GPC5: variants seen among roughly 807,000 people sequenced by gnomAD.
GPC5 encodes the protein glypican 5, also known as glypican-5.
GPC5 carries 47 observed loss-of-function variants against 53.9 expected under a neutral mutation model. The ratio of observed to expected loss-of-function variants is 0.87; its 90% confidence interval spans 0.69 to 1.11. The LOEUF (loss-of-function observed/expected upper bound fraction) is 1.11, where lower values mean the gene tolerates loss of function less well. Among genes scored for constraint, GPC5 ranks in the 50% most tolerant of loss-of-function variants. The pLI is 0.00. For missense variants in GPC5, 748 were observed against 713.1 expected (o/e 1.05, Z -0.56); for synonymous variants, 286 against 263.3 (o/e 1.09, Z -0.84).
intron 1 of GPC5, among the ~76,000 whole-genome samples, chr13:91,402,573 T>C (rs181335522): frequency 8.5e-4 from 129 of 152,358 alleles, no homozygotes; most frequent in African/African-American, 3.1e-3. Flanking sequence ...ATTATCATCT[T>C]GAACCTCTGT....
chr13:92,724,926 AAG>A (rs1888602335), intron 7 of GPC5, among the ~76,000 whole-genome samples: 1 of 148,250 alleles, frequency 6.7e-6, no homozygotes, highest in South Asian at 2.1e-4. Context: ...AAGAAAAAAC[AAG>A]AGAGTAGCTA....
At chr13:92,042,848 A>G (rs1484778220) in intron 6 of GPC5, among the ~76,000 whole-genome samples, 5 of 152,244 alleles carry the variant, frequency 3.3e-5, no homozygotes, top group African/African-American at 1.2e-4. Flanking sequence ...GAAAAGAGCC[A>G]TAATTGAAAG....
At chr13:92,019,305 ATCTG>A (rs1268632180) in intron 6 of GPC5, among the ~76,000 whole-genome samples, 4 of 151,848 alleles carry the variant, frequency 2.6e-5, no homozygotes, top group Non-Finnish European at 4.4e-5. Context: ...TTTTACTATT[ATCTG>A]TCTATAAATA....
intron 7 of GPC5, among the ~76,000 whole-genome samples, chr13:92,746,025 TA>T (rs1465690165): frequency 6.6e-6 from 1 of 152,082 alleles, no homozygotes; most frequent in African/African-American, 2.4e-5. Flanking sequence ...TTTAATCAAT[TA>T]GCTATATCTA....
At chr13:91,436,776 T>G (rs932326881) in intron 1 of GPC5, among the ~76,000 whole-genome samples, 5 of 152,174 alleles carry the variant, frequency 3.3e-5, no homozygotes, top group Non-Finnish European at 7.3e-5. Context: ...TGTCTAATGT[T>G]GACAGTGGGG....
intron 7 of GPC5, among the ~76,000 whole-genome samples, chr13:92,810,492 C>T (rs1463966252): frequency 1.3e-5 from 2 of 151,720 alleles, no homozygotes; most frequent in East Asian, 1.9e-4. Flanking sequence ...AATTTAATGG[C>T]ATTCATTATA....
chr13:92,704,322 G>GAAGTT (rs1887867694), intron 7 of GPC5, among the ~76,000 whole-genome samples: 1 of 152,044 alleles, frequency 6.6e-6, no homozygotes, highest in South Asian at 2.1e-4. Flanking sequence ...TGTGAATGCT[G>GAAGTT]AAGTTGAATG....
intron 7 of GPC5, among the ~76,000 whole-genome samples, chr13:92,861,716 A>G (rs989608013): frequency 6.6e-6 from 1 of 152,098 alleles, no homozygotes; most frequent in Non-Finnish European, 1.5e-5. Context: ...TTCTTGTGTG[A>G]TATCAAAACT....
intron 5 of GPC5, among the ~76,000 whole-genome samples, chr13:91,810,625 T>C (rs1452235099): frequency 6.6e-6 from 1 of 151,970 alleles, no homozygotes; most frequent in Non-Finnish European, 1.5e-5. Flanking sequence ...TTGAAATAAC[T>C]ATGATGTGTC....
intron 7 of GPC5, among the ~76,000 whole-genome samples, chr13:92,631,172 AT>A (rs1441031957): frequency 2.6e-5 from 4 of 152,092 alleles, no homozygotes; most frequent in African/African-American, 9.7e-5. Flanking sequence ...AGATAATTAA[AT>A]GAGAAAATGC....
intron 2 of GPC5, among the ~76,000 whole-genome samples, chr13:91,505,774 A>T (rs1884906503): frequency 6.6e-6 from 1 of 152,104 alleles, no homozygotes; most frequent in Non-Finnish European, 1.5e-5. Flanking sequence ...CCATAAGTGT[A>T]TGGATGTAAG....
intron 7 of GPC5, among the ~76,000 whole-genome samples, chr13:92,630,589 G>A (rs186593996): frequency 1.4e-4 from 22 of 152,222 alleles, no homozygotes; most frequent in Middle Eastern, 3.4e-3. Context: ...AACATTTAAT[G>A]TAGATGACGG....
intron 7 of GPC5, among the ~76,000 whole-genome samples, chr13:92,590,358 A>G (rs1352709206): frequency 1.3e-5 from 2 of 152,210 alleles, no homozygotes; most frequent in African/African-American, 2.4e-5. Flanking sequence ...AGGACAGTTT[A>G]TCTATTGAAA....
At chr13:92,794,233 G>T (rs750128944) in intron 7 of GPC5, among the ~76,000 whole-genome samples, 1 of 151,998 alleles carries the variant, frequency 6.6e-6, no homozygotes, top group African/African-American at 2.4e-5. Flanking sequence ...TTCGACATAC[G>T]TGAATCAATA....
intron 2 of GPC5, among the ~76,000 whole-genome samples, chr13:91,496,694 T>C (rs1884284927): frequency 6.6e-6 from 1 of 152,096 alleles, no homozygotes; most frequent in South Asian, 2.1e-4. Context: ...CAAAAATAGA[T>C]TGAATGAATA....
At chr13:92,797,725 G>C (rs1340104713) in intron 7 of GPC5, among the ~76,000 whole-genome samples, 1 of 151,674 alleles carries the variant, frequency 6.6e-6, no homozygotes, top group Non-Finnish European at 1.5e-5. Context: ...AATATATAGA[G>C]AGGGCATTTA....
In GPC5 at chr13:92,054,033, A is replaced by G. The variant is rs944998243; in HGVS notation, c.1402-90797A>G. ...GGCAAGAAGAGTGAAATTCCATTTCAAATAAATAAATAAATAAATAAATAA... is the reference window on the plus strand; with the variant it reads ...GGCAAGAAGAGTGAAATTCCATTTCGAATAAATAAATAAATAAATAAATAA... On this transcript the variant is annotated intron_variant, in intron 6 of 7. Coordinates refer to ENST00000377067, the MANE Select transcript of GPC5 (RefSeq NM_004466.6). Among the ~76,000 whole-genome samples, 3 of 4,698 alleles carry G rather than the reference A, an allele frequency of 6.4e-4. No individual in the cohort carries two copies. The East Asian group carries it at 0.015, about 23-fold the overall frequency. 3.1% of individuals were successfully genotyped at this position (4,698 alleles called of 152,430 possible). A position where few individuals can be genotyped will look rare whatever the true frequency, so the allele number is the denominator to read the frequency against.
At chr13:92,841,696 G>C (rs1878433363) in intron 7 of GPC5, among the ~76,000 whole-genome samples, 1 of 152,070 alleles carries the variant, frequency 6.6e-6, no homozygotes, top group Non-Finnish European at 1.5e-5. Context: ...TTTTAGGTTA[G>C]TTGTTCAAAT....
At chr13:92,162,825 G>A (rs545379241) in intron 7 of GPC5, among the ~76,000 whole-genome samples, 72 of 151,960 alleles carry the variant, frequency 4.7e-4, no homozygotes, top group African/African-American at 1.6e-3. Flanking sequence ...CTTTTTTTCT[G>A]TGGTGATTTC....
Sources: gnomAD v4.1 joint callset for allele counts (sites outside exome capture counted in the v4.1 genomes callset) on GRCh38, gnomAD v4.1.1 for gene constraint, MANE v1.5 for transcripts, NCBI Gene and HGNC (gene_info 2026-07-23, HGNC 2026-07-21) for gene names.